The following MAP2K5 variants were observed in gnomAD, a reference collection of about 807,000 sequenced individuals.
The protein encoded by MAP2K5 is mitogen-activated protein kinase kinase 5.
Under a neutral mutation model 83.1 loss-of-function variants are expected in MAP2K5, and 49 were observed. That is an observed-to-expected ratio of 0.59 (90% CI 0.47 to 0.75). The LOEUF (loss-of-function observed/expected upper bound fraction) is 0.75. MAP2K5 is among the 30% of genes least tolerant of loss of function. MAP2K5 has a pLI of 0.00. For missense variants in MAP2K5, 457 were observed against 557.5 expected (o/e 0.82, Z 1.82); for synonymous variants, 202 against 191.8 (o/e 1.05, Z -0.44).
intron 17 of MAP2K5, among the ~76,000 whole-genome samples, chr15:67,744,063 AAG>A (rs2089553413): frequency 6.6e-6 from 1 of 152,176 alleles, no homozygotes; most frequent in Non-Finnish European, 1.5e-5. Flanking sequence ...AGCTTCCCTA[AAG>A]CAAAGTGAGT....
chr15:67,761,685 C>T (rs1449423562), intron 19 of MAP2K5, among the ~76,000 whole-genome samples: 1 of 152,194 alleles, frequency 6.6e-6, no homozygotes, highest in Admixed American at 6.5e-5. Context: ...GGTTCCTGTA[C>T]TTCAACAGTG....
chr15:67,581,276 A>T (rs2085175632), intron 4 of MAP2K5, among the ~76,000 whole-genome samples: 1 of 152,172 alleles, frequency 6.6e-6, no homozygotes, highest in African/African-American at 2.4e-5. Context: ...TTTTTTGAGG[A>T]GGTATTTTCT....
At chr15:67,631,341 C>A (rs1455458969) in intron 9 of MAP2K5, among the ~76,000 whole-genome samples, 1 of 152,196 alleles carries the variant, frequency 6.6e-6, no homozygotes, top group Admixed American at 6.5e-5. Flanking sequence ...CTATTCCCAT[C>A]CCCATTGCCA....
At chr15:67,804,414 A>T (rs1014624725) in intron 21 of MAP2K5, among the ~76,000 whole-genome samples, 1 of 152,182 alleles carries the variant, frequency 6.6e-6, no homozygotes, top group African/African-American at 2.4e-5. Flanking sequence ...GGGATACAAC[A>T]TGCCTCAGCA....
rs1240311917 is a variant in MAP2K5, at chr15:67,719,284, A to G, written c.1045-8632A>G. On this transcript the variant is annotated intron_variant, in intron 16 of 21. Coordinates refer to ENST00000178640, the MANE Select transcript of MAP2K5 (RefSeq NM_145160.3). This position sits in a 1 kb window ranked among gnomAD's most constrained non-coding sequence, Gnocchi z 4.6. The stretch of plus-strand genomic sequence containing the variant: ...GTTAAGACCATCAGATCCTAATACT[A>G]AAGAGTTTGTGTACCATGTTCATTA... Among the ~76,000 whole-genome samples, 3 of 152,168 alleles carry G rather than the reference A, an allele frequency of 2.0e-5. No individual in the cohort carries two copies. The highest frequency in any genetic ancestry group is 4.4e-5 in the Non-Finnish European group (3 of 68,030).
chr15:67,630,886 A>G lies in MAP2K5; in HGVS notation c.546-2A>G. On this transcript the variant is annotated splice_acceptor_variant, in intron 8 of 21. Coordinates refer to ENST00000178640, the MANE Select transcript of MAP2K5 (RefSeq NM_145160.3). LOFTEE classifies it high-confidence loss of function. ...TGATTTTGTTTTTTTTTCTTCCCAT[A>G]GAGCATATCATGTCCCGAGTGGGAA... The G allele has an allele frequency of 1.9e-6, 3 of 1,608,646 alleles. No individual in the cohort carries two copies. Among genetic ancestry groups the G allele is most frequent in the Non-Finnish European group, 2.5e-6 (3 of 1,176,690 alleles).
rs568407734 is a variant in MAP2K5 at position 67,637,584 on chromosome 15, C to T, written c.585+6657C>T. ...GGTTCTCTCCCTGGCCTCAGGTGAT[C>T]TCCTGACATCTATGTACAGATCATT... is the stretch of plus-strand genomic sequence containing the variant. On this transcript the variant is annotated intron_variant, in intron 9 of 21. Coordinates refer to ENST00000178640, the MANE Select transcript of MAP2K5 (RefSeq NM_145160.3). This position sits in a 1 kb window ranked among gnomAD's most constrained non-coding sequence, Gnocchi z 4.5. Among the ~76,000 whole-genome samples the T allele has an allele frequency of 2.6e-5, 4 of 152,250 alleles. No individual in the cohort carries two copies. The East Asian group carries it at 5.8e-4, about 22-fold the overall frequency.
chr15:67,628,235 A>G, intron 8 of MAP2K5: 1 of 651,588 alleles, frequency 1.5e-6, no homozygotes, highest in South Asian at 1.6e-5. Flanking sequence ...TAATCCCAAC[A>G]CTTTGGGAGG....
At chr15:67,759,422 T>C (rs928595298) in intron 19 of MAP2K5, among the ~76,000 whole-genome samples, 2 of 151,460 alleles carry the variant, frequency 1.3e-5, no homozygotes, top group African/African-American at 4.9e-5. Context: ...TAGCCAAGCA[T>C]GGTGGCACGT....
At chr15:67,742,643 A>C (rs967784760) in intron 17 of MAP2K5, among the ~76,000 whole-genome samples, 1 of 152,220 alleles carries the variant, frequency 6.6e-6, no homozygotes, top group Non-Finnish European at 1.5e-5. Flanking sequence ...AAAATCTTCA[A>C]AACTTAGGTA....
intron 13 of MAP2K5, among the ~76,000 whole-genome samples, chr15:67,680,602 A>T (rs1449822629): frequency 6.6e-6 from 1 of 152,232 alleles, no homozygotes; most frequent in Non-Finnish European, 1.5e-5. Flanking sequence ...CCTTAGCATG[A>T]CAGAAGGCTC....
At chr15:67,712,876 C>T (rs950297302) in intron 16 of MAP2K5, among the ~76,000 whole-genome samples, 3 of 151,806 alleles carry the variant, frequency 2.0e-5, no homozygotes, top group Non-Finnish European at 2.9e-5. Flanking sequence ...TGAGATCATG[C>T]CATTGCACTC....
At chr15:67,545,243 A>G (rs932759946) in intron 1 of MAP2K5, among the ~76,000 whole-genome samples, 3 of 152,170 alleles carry the variant, frequency 2.0e-5, no homozygotes, top group Non-Finnish European at 4.4e-5. Flanking sequence ...AGCAAAGCAC[A>G]TGTTTGATCA....
Position 67,802,077 on chromosome 15 carries a change from A to C in MAP2K5, c.1243-4569A>C, listed in dbSNP as rs1596997393. Among the ~76,000 whole-genome samples the C allele has an allele frequency of 6.6e-6, 1 of 152,124 alleles. No homozygotes were observed. Among genetic ancestry groups the C allele is most frequent in the Non-Finnish European group, 1.5e-5 (1 of 68,004 alleles). On this transcript the variant is annotated intron_variant, in intron 21 of 21. Transcript: ENST00000178640. This position sits in a 1 kb window ranked among gnomAD's most constrained non-coding sequence, Gnocchi z 5.0. ...CCATTCTTGCCCACAAGATGAGCAC[A>C]CCAAGCCCTGCCCCCTGCCTCCACG...
intron 8 of MAP2K5, among the ~76,000 whole-genome samples, chr15:67,604,792 G>A (rs2085742784): frequency 6.6e-6 from 1 of 151,970 alleles, no homozygotes; most frequent in Non-Finnish European, 1.5e-5. Flanking sequence ...CTACTCGGGA[G>A]GCTGGGGCAG....
At position 67,774,180 on chromosome 15, in the gene MAP2K5, T is replaced by A. The variant is rs1423658032; in HGVS notation, c.1242+1428T>A. ...TGATGTGTGTGTATGTGTGTGTGTGTGTGTGTGTGTGTGTGTGTGTGTGAG... is the reference window on the plus strand; with the variant it reads ...TGATGTGTGTGTATGTGTGTGTGTGAGTGTGTGTGTGTGTGTGTGTGTGAG... On this transcript the variant is annotated intron_variant, in intron 21 of 21. Transcript: ENST00000178640. The surrounding 1 kb of genome is among the most constrained non-coding windows in gnomAD (Gnocchi z 4.9). 2.0e-5 allele frequency among the ~76,000 whole-genome samples: 3 copies of A among 150,816 alleles called. No individual in the cohort carries two copies. The East Asian group carries it at 5.8e-4, about 29-fold the overall frequency.
chr15:67,671,494 CT>C (rs1156404254), intron 13 of MAP2K5, among the ~76,000 whole-genome samples: 4 of 152,014 alleles, frequency 2.6e-5, no homozygotes, highest in Non-Finnish European at 4.4e-5. Flanking sequence ...GAAAATGTTG[CT>C]TTCTAAACCA....
At chr15:67,693,594 G>A (rs540174059) in intron 15 of MAP2K5, 26 bp downstream of exon 15, 12 of 1,518,742 alleles carry the variant, frequency 7.9e-6, no homozygotes, top group African/African-American at 6.8e-5. Context: ...CAAAAATAAT[G>A]TTTAAAACCA....
intron 17 of MAP2K5, among the ~76,000 whole-genome samples, chr15:67,729,614 C>CA (rs890151683): frequency 0.015 from 2,159 of 143,182 alleles, 39 homozygotes; most frequent in African/African-American, 0.05. Flanking sequence ...ACTAAAAATA[C>CA]AAAAAAAAAA....
Sources: gnomAD v4.1 joint callset for allele counts (sites outside exome capture counted in the v4.1 genomes callset) on GRCh38, gnomAD v4.1.1 for gene constraint, Gnocchi (gnomAD v3.1) non-coding constraint, MANE v1.5 for transcripts, NCBI Gene and HGNC (gene_info 2026-07-23, HGNC 2026-07-21) for gene names.